The following JAG1 variants were observed in gnomAD, a reference collection of about 807,000 sequenced individuals.
JAG1 encodes protein jagged-1.
In JAG1, 23 loss-of-function variants were observed where a neutral mutation model predicts 148.7. That is an observed-to-expected ratio of 0.15 (90% confidence interval 0.11 to 0.22). The LOEUF (loss-of-function observed/expected upper bound fraction) is 0.22. Among genes scored for constraint, JAG1 ranks in the 10% least tolerant of loss-of-function variants. The probability of loss-of-function intolerance (pLI) is 1.00; values close to 1 mark genes in which losing one functional copy is unlikely to be tolerated. For missense variants in JAG1, 1,054 were observed against 1,611.2 expected (o/e 0.65, Z 5.92); for synonymous variants, 572 against 598.3 (o/e 0.96, Z 0.64).
At position 10,638,484 on chromosome 20, in the gene JAG1, G is replaced by A. The variant is rs1351624537; in HGVS notation, c.*1014C>T. ...CTTGTTCCCTTACTGCTCTGCAGCA[G>A]ATCACCTGCCTGTCTCTTTTCAAGT... On this transcript the variant is annotated 3_prime_UTR_variant, in exon 26 of 26. Transcript: ENST00000254958. 6.6e-6 allele frequency: 1 copy of A among 152,574 alleles called. No homozygotes were observed. The highest frequency in any genetic ancestry group is 1.5e-5 in the Non-Finnish European group (1 of 68,028). 9.5% of individuals were successfully genotyped at this position (152,574 alleles called of 1,614,324 possible).
At chr20:10,649,337 C>T (rs897723938) in intron 10 of JAG1, among the ~76,000 whole-genome samples, 185 bp downstream of exon 10, 1 of 152,084 alleles carries the variant, frequency 6.6e-6, no homozygotes, top group Non-Finnish European at 1.5e-5. Context: ...GGCTGGTTTT[C>T]GCAGCTAATG....
chr20:10,642,629 G>C (rs1206235945), intron 20 of JAG1, 28 bp from the exon 21 acceptor site: 5 of 1,283,598 alleles, frequency 3.9e-6, no homozygotes, highest in Non-Finnish European at 5.7e-6. Flanking sequence ...CAAGTTTAGG[G>C]ACTGATGGTG....
intron 19 of JAG1, 110 bp from the exon 20 acceptor site, chr20:10,643,973 C>T (rs943215266): frequency 2.2e-5 from 18 of 829,802 alleles, no homozygotes; most frequent in Non-Finnish European, 3.5e-5. Context: ...CACCCCATGG[C>T]CGTTGCCTGG....
intron 12 of JAG1, 22 bp downstream of exon 12, chr20:10,648,527 C>T (rs137869125): frequency 1.2e-6 from 2 of 1,611,332 alleles, no homozygotes; most frequent in South Asian, 2.2e-5. Flanking sequence ...ACTTGGCCAT[C>T]TGAGGTTTTG....
rs922898587 is a variant in JAG1 at position 10,638,634 on chromosome 20, C to T, written c.*864G>A. 3 of 139,788 alleles carry T rather than the reference C, an allele frequency of 2.1e-5. No homozygotes were observed. The highest frequency in any genetic ancestry group is 3.2e-5 in the Non-Finnish European group (2 of 62,252). The allele number at this position is 139,788 out of a possible 1,614,324, so 8.7% of individuals were successfully genotyped here. A position where few individuals can be genotyped will look rare whatever the true frequency, so the allele number is the denominator to read the frequency against. The stretch of plus-strand genomic sequence containing the variant: ...TATAGAAGGTGTTTTAAACATCTGA[C>T]GTCGTACAAAAAAATTCCATCAGTA... On this transcript the variant is annotated 3_prime_UTR_variant, in exon 26 of 26. Transcript: ENST00000254958.
chr20:10,652,908 C>T (rs1246724169), intron 5 of JAG1, among the ~76,000 whole-genome samples: 3 of 152,058 alleles, frequency 2.0e-5, no homozygotes, highest in Non-Finnish European at 4.4e-5. Context: ...TGGAATAAAT[C>T]AACCCGTGCA....
At position 10,658,730 on chromosome 20, in the gene JAG1, C is replaced by T; in HGVS notation, c.440-8G>A. 1 of 1,614,128 alleles carries T rather than the reference C, an allele frequency of 6.2e-7. No individual in the cohort carries two copies. Among genetic ancestry groups the T allele is most frequent in the Non-Finnish European group, 8.5e-7 (1 of 1,179,990 alleles). On this transcript the variant is annotated splice_region_variant and splice_polypyrimidine_tract_variant and intron_variant, in intron 3 of 25. Transcript: ENST00000254958. ...CAATAATACTGTCAGGTTCTAGAGACAAAGTGATGAATCATGTTAATATTC... is the reference window on the plus strand; with the variant it reads ...CAATAATACTGTCAGGTTCTAGAGATAAAGTGATGAATCATGTTAATATTC...
At chr20:10,649,227 G>C (rs958575257) in intron 10 of JAG1, 120 bp from the exon 11 acceptor site, 7 of 747,448 alleles carry the variant, frequency 9.4e-6, no homozygotes, top group Non-Finnish European at 1.2e-5. Context: ...TGTGCTTTCC[G>C]TGAGATAAGG....
chr20:10,638,668 A>T lies in JAG1; in HGVS notation c.*830T>A, dbSNP rs1670753774. 1 of 152,656 alleles carries T rather than the reference A, an allele frequency of 6.6e-6. No individual in the cohort carries two copies. Among genetic ancestry groups the T allele is most frequent in the African/African-American group, 2.4e-5 (1 of 41,468 alleles). 9.5% of individuals were successfully genotyped at this position (152,656 alleles called of 1,614,324 possible). A position where few individuals can be genotyped will look rare whatever the true frequency, so the allele number is the denominator to read the frequency against. On this transcript the variant is annotated 3_prime_UTR_variant, in exon 26 of 26. Coordinates refer to ENST00000254958, the MANE Select transcript of JAG1 (RefSeq NM_000214.3). Reference sequence around the variant, plus strand: ...AAAAAATTCCATCAGTATTCTGGGCACAGAAGCCCATCCTATTGTTTTAAA... The same window carrying T: ...AAAAAATTCCATCAGTATTCTGGGCTCAGAAGCCCATCCTATTGTTTTAAA...
At chr20:10,652,698 T>A (rs1200227362) in intron 5 of JAG1, 100 bp from the exon 6 acceptor site, 1 of 1,328,882 alleles carries the variant, frequency 7.5e-7, no homozygotes, top group Non-Finnish European at 1.1e-6. Context: ...TTTTCTGTTT[T>A]GTTTCTGGGG....
At chr20:10,650,389 CAATTT>C in intron 8 of JAG1, 29 bp from the exon 9 acceptor site, 2 of 1,219,600 alleles carry the variant, frequency 1.6e-6, no homozygotes, top group Non-Finnish European at 2.4e-6. Context: ...AGGGGGTTGA[CAATTT>C]AATTCAATCC....
In JAG1 at chr20:10,646,924, A is replaced by T; in HGVS notation, c.1885+15T>A. 6.2e-7 allele frequency: 1 copy of T among 1,613,522 alleles called. No individual in the cohort carries two copies. The highest frequency in any genetic ancestry group is 8.5e-7 in the Non-Finnish European group (1 of 1,179,690). The stretch of plus-strand genomic sequence containing the variant: ...CTGGGGAGCACTGGTCCATTCCCGG[A>T]TGAGGGAGTCTTACTTTCATGGCAG... On this transcript the variant is annotated intron_variant, in intron 14 of 25. Coordinates refer to ENST00000254958, the MANE Select transcript of JAG1 (RefSeq NM_000214.3).
chr20:10,672,833 G>A lies in JAG1; in HGVS notation c.255C>T (p.Arg85=), dbSNP rs371739467. The A allele has an allele frequency of 5.0e-6, 8 of 1,613,260 alleles. No individual in the cohort carries two copies. Among genetic ancestry groups the A allele is most frequent in the Non-Finnish European group, 3.4e-6 (4 of 1,180,034 alleles). Residue 85 remains arginine, a synonymous_variant, in exon 2 of 26, where the codon CGC becomes CGT. Coordinates refer to ENST00000254958, the MANE Select transcript of JAG1 (RefSeq NM_000214.3). Reference sequence around the variant, plus strand: ...AGCTGCAGGGCCCCCCGGCCGTGACGCGGGACTGATACTCCTTGAGGCACA... The same window carrying A: ...AGCTGCAGGGCCCCCCGGCCGTGACACGGGACTGATACTCCTTGAGGCACA... The part of the protein sequence containing the change: ...FKVCLKEYQS[R]VTAGGPCSFG...
At chr20:10,671,371 A>T (rs2067493672) in intron 2 of JAG1, among the ~76,000 whole-genome samples, 1 of 152,180 alleles carries the variant, frequency 6.6e-6, no homozygotes, top group Non-Finnish European at 1.5e-5. Context: ...TTTTCTTTTT[A>T]TAAACCCCTT....
At position 10,645,311 on chromosome 20, in the gene JAG1, AGG is replaced by A. The variant is rs752216253; in HGVS notation, c.2113+43_2113+44del. ...AGTGGCCCCCTCCCACAGAAGACAG[AGG>A]GAAGGGTCCCAGAGATAGCATCCAA... On this transcript the variant is annotated intron_variant, in intron 16 of 25. Coordinates refer to ENST00000254958, the MANE Select transcript of JAG1 (RefSeq NM_000214.3). This position sits in a 1 kb window ranked among gnomAD's most constrained non-coding sequence, Gnocchi z 6.1. 9.6e-5 allele frequency: 153 copies of A among 1,599,894 alleles called. No individual in the cohort carries two copies. The African/African-American group carries it at 1.8e-3, about 19-fold the overall frequency.
chr20:10,666,868 C>A (rs1425250988), intron 2 of JAG1, among the ~76,000 whole-genome samples: 1 of 152,194 alleles, frequency 6.6e-6, no homozygotes, highest in Non-Finnish European at 1.5e-5. Flanking sequence ...ATCAAAGCCC[C>A]AAGGCATCCA....
chr20:10,648,089 G>T lies in JAG1; in HGVS notation c.1591C>A (p.Pro531Thr). The T allele has an allele frequency of 6.2e-7, 1 of 1,614,174 alleles. No individual in the cohort carries two copies. The highest frequency in any genetic ancestry group is 8.5e-7 in the Non-Finnish European group (1 of 1,180,030). ...TGGGCACCGTTCTGGCAGGGATTAG[G>T]CTCACAATAATCGATGTCCAGCTGC... ...LCQLDIDYCE[P>T]NPCQNGAQCY... Residue 531 changes from proline to threonine, a missense_variant, in exon 13 of 26, where the codon CCT becomes ACT. This residue lies in a region of JAG1 where 245 missense variants were observed against 373.1 expected (regional missense o/e 0.66). Coordinates refer to ENST00000254958, the MANE Select transcript of JAG1 (RefSeq NM_000214.3).
At chr20:10,646,136 G>A in intron 14 of JAG1, 52 bp from the exon 15 acceptor site, 1 of 1,329,124 alleles carries the variant, frequency 7.5e-7, no homozygotes, top group Non-Finnish European at 1.1e-6. Context: ...TGAAGCCATA[G>A]ACAAGCACTG....
At chr20:10,650,383 G>A (rs752607068) in intron 8 of JAG1, 23 bp from the exon 9 acceptor site, 3 of 1,359,418 alleles carry the variant, frequency 2.2e-6, no homozygotes, top group Non-Finnish European at 3.2e-6. Context: ...AAAAGGAGGG[G>A]GTTGACAATT....
Sources: allele counts gnomAD v4.1 joint callset (sites outside exome capture counted in the v4.1 genomes callset), GRCh38; gene constraint gnomAD v4.1.1; regional missense constraint gnomAD v4.1.1; non-coding constraint Gnocchi (gnomAD v3.1); transcripts MANE v1.5; gene names NCBI Gene and HGNC (gene_info 2026-07-23, HGNC 2026-07-21).